Variants in MRGPRX3 observed in about 807,000 individuals in gnomAD.
MRGPRX3 encodes mas-related G protein-coupled receptor member X3.
Under a neutral mutation model 16.5 loss-of-function variants are expected in MRGPRX3, and 14 were observed. The ratio of observed to expected loss-of-function variants is 0.85; its 90% CI spans 0.56 to 1.33. The LOEUF (loss-of-function observed/expected upper bound fraction) is 1.33, where lower values mean the gene tolerates loss of function less well. MRGPRX3 is among the 40% of genes most tolerant of loss of function. The pLI, the probability that MRGPRX3 is intolerant of heterozygous loss-of-function variation, is 0.00. For synonymous variants in MRGPRX3, 199 were observed against 180.1 expected, an observed-to-expected ratio of 1.10 and a Z score of -0.84; for missense variants, 449 against 413.0, an observed-to-expected ratio of 1.09 and a Z score of -0.76.
chr11:18,123,478 G>A (rs1459862227), intron 1 of MRGPRX3, among the ~76,000 whole-genome samples: 2 of 152,174 alleles, frequency 1.3e-5, no homozygotes, highest in Non-Finnish European at 2.9e-5. Flanking sequence ...TGTCAGGTTT[G>A]TCAAATATCA....
At chr11:18,121,947 T>C (rs1252014086) in intron 1 of MRGPRX3, among the ~76,000 whole-genome samples, 1 of 149,528 alleles carries the variant, frequency 6.7e-6, no homozygotes, top group African/African-American at 2.5e-5. Context: ...ACTATTGTCC[T>C]ATGACCCTGC....
At chr11:18,135,783 A>G (rs1849003018) in intron 1 of MRGPRX3, among the ~76,000 whole-genome samples, 1 of 152,170 alleles carries the variant, frequency 6.6e-6, no homozygotes, top group South Asian at 2.1e-4. Context: ...TGCTGGGTCC[A>G]AAGGGCTGGT....
At chr11:18,125,252 G>T (rs1312261594) in intron 1 of MRGPRX3, among the ~76,000 whole-genome samples, 1 of 152,072 alleles carries the variant, frequency 6.6e-6, no homozygotes, top group Non-Finnish European at 1.5e-5. Context: ...GTTTGCTCTT[G>T]CTTCTCTAGT....
intron 1 of MRGPRX3, among the ~76,000 whole-genome samples, chr11:18,127,229 G>C (rs1049926715): frequency 4.6e-5 from 7 of 152,162 alleles, no homozygotes; most frequent in African/African-American, 1.2e-4. Flanking sequence ...CAACTTTGGT[G>C]AATCTGACAA....
chr11:18,137,738 T>C lies in MRGPRX3; in HGVS notation c.536T>C (p.Ile179Thr). Residue 179 changes from isoleucine (I) to threonine (T), a missense_variant, in exon 2 of 2, where the codon ATT (isoleucine) becomes ACT (threonine). Coordinates refer to ENST00000621697, the MANE Select transcript of MRGPRX3 (RefSeq NM_001370464.1). ...NSVWCETSDF[I>T]TIAWLVFLCV... is the part of the protein sequence containing the mutation. ...GTTTGGTGTGAAACGTCAGATTTCA[T>C]TACAATCGCGTGGCTGGTTTTTTTA... 3 of 1,614,108 alleles carry C rather than the reference T, an allele frequency of 1.9e-6. No homozygotes were observed. The highest frequency in any genetic ancestry group is 2.5e-6 in the Non-Finnish European group (3 of 1,180,028).
rs922553509 is a variant in MRGPRX3 at position 18,132,574 on chromosome 11, A to G, written c.-191A>G. 3 of 152,228 alleles carry G rather than the reference A, an allele frequency of 2.0e-5. No individual in the cohort carries two copies. Among genetic ancestry groups the G allele is most frequent in the Admixed American group, 1.3e-4 (2 of 15,282 alleles). 9.4% of individuals were successfully genotyped at this position (152,228 alleles called of 1,614,324 possible). ...ACAGGAAATAACAAGACTGTCCAGC[A>G]TCTTCGTAAGCCTGGATTGCTCACC... On this transcript the variant is annotated 5_prime_UTR_variant, in exon 1 of 2. Coordinates refer to ENST00000621697, the MANE Select transcript of MRGPRX3 (RefSeq NM_001370464.1).
chr11:18,138,025 G>A lies in MRGPRX3; in HGVS notation c.823G>A (p.Val275Met), dbSNP rs753365135. The A allele has an allele frequency of 1.2e-5, 19 of 1,613,920 alleles. No homozygotes were observed. Among genetic ancestry groups the A allele is most frequent in the Admixed American group, 6.7e-5 (4 of 59,992 alleles). The part of the protein sequence containing the change: ...SSANPIIYFF[V>M]GSFRQRQNRQ... ...TGCCAACCCCATCATTTACTTCTTC[G>A]TGGGCTCCTTTAGGCAGCGTCAAAA... Residue 275 changes from valine to methionine, a missense_variant, in exon 2 of 2, where the codon GTG (valine) becomes ATG (methionine). Coordinates refer to ENST00000621697, the MANE Select transcript of MRGPRX3 (RefSeq NM_001370464.1).
rs1849036202 is a variant in MRGPRX3, at chr11:18,138,474, T to G, written c.*303T>G. ...TTCATTGTAATAAAAGGAGTTGCTG[T>G]CCACAACCCTAAAACTCTTCTTTAT... On this transcript the variant is annotated 3_prime_UTR_variant, in exon 2 of 2. Transcript: ENST00000621697. 3.2e-6 allele frequency: 1 copy of G among 309,778 alleles called. No individual in the cohort carries two copies. The highest frequency in any genetic ancestry group is 6.2e-6 in the Non-Finnish European group (1 of 161,092). 19.2% of individuals were successfully genotyped at this position (309,778 alleles called of 1,614,324 possible). A position where few individuals can be genotyped will look rare whatever the true frequency, so the allele number is the denominator to read the frequency against.
intron 1 of MRGPRX3, among the ~76,000 whole-genome samples, chr11:18,126,844 G>T (rs1848902423): frequency 1.3e-5 from 2 of 152,132 alleles, no homozygotes; most frequent in South Asian, 4.1e-4. Flanking sequence ...TGGCTGCATA[G>T]TATTCCATGG....
intron 1 of MRGPRX3, among the ~76,000 whole-genome samples, chr11:18,125,740 C>A (rs1848888074): frequency 6.6e-6 from 1 of 152,088 alleles, no homozygotes; most frequent in Non-Finnish European, 1.5e-5. Flanking sequence ...TCTTGGATAT[C>A]CTTGTTAATT....
At chr11:18,130,516 T>A (rs1848950169), upstream of MRGPRX3, among the ~76,000 whole-genome samples, 1 of 152,002 alleles carries the variant, frequency 6.6e-6, no homozygotes, top group African/African-American at 2.4e-5. Flanking sequence ...GCTGACATCA[T>A]AGATGACACA....
Position 18,138,041 on chromosome 11 carries a change from A to G in MRGPRX3, c.839A>G (p.Gln280Arg). 6.2e-7 allele frequency: 1 copy of G among 1,614,114 alleles called. No homozygotes were observed. The highest frequency in any genetic ancestry group is 8.5e-7 in the Non-Finnish European group (1 of 1,180,024). The change falls in exon 2 of 2, where the codon CAG becomes CGG. Residue 280 changes from glutamine (Q) to arginine (R), a missense_variant. Coordinates refer to ENST00000621697, the MANE Select transcript of MRGPRX3 (RefSeq NM_001370464.1). ...IIYFFVGSFRQRQNRQNLKLV... is the reference protein window; with the variant it reads ...IIYFFVGSFRRRQNRQNLKLV... ...TACTTCTTCGTGGGCTCCTTTAGGC[A>G]GCGTCAAAATAGGCAGAACCTGAAG...
chr11:18,134,843 A>G (rs1258164239), intron 1 of MRGPRX3, among the ~76,000 whole-genome samples: 2 of 152,216 alleles, frequency 1.3e-5, no homozygotes, highest in African/African-American at 4.8e-5. Context: ...TCCACTTAAC[A>G]GCACCTGCTC....
intron 1 of MRGPRX3, among the ~76,000 whole-genome samples, chr11:18,122,143 C>CA (rs961719408): frequency 4.1e-5 from 6 of 147,256 alleles, no homozygotes; most frequent in African/African-American, 1.2e-4. Context: ...ATCTGCATTG[C>CA]AAAAAAACCT....
At chr11:18,135,743 C>A (rs1479537091) in intron 1 of MRGPRX3, among the ~76,000 whole-genome samples, 1 of 152,076 alleles carries the variant, frequency 6.6e-6, no homozygotes, top group Non-Finnish European at 1.5e-5. Context: ...ACTTTACCCC[C>A]CTCTAACATG....
At chr11:18,121,417 C>T (rs1848834473) in intron 1 of MRGPRX3, among the ~76,000 whole-genome samples, 1 of 152,072 alleles carries the variant, frequency 6.6e-6, no homozygotes, top group Non-Finnish European at 1.5e-5. Flanking sequence ...TGAGGAGCCC[C>T]TCTGCCAGGC....
At chr11:18,133,010 T>TA (rs1848976788) in intron 1 of MRGPRX3, among the ~76,000 whole-genome samples, 1 of 152,202 alleles carries the variant, frequency 6.6e-6, no homozygotes, top group Admixed American at 6.5e-5. Context: ...TGCTGCCTCT[T>TA]ACATTCATTT....
At position 18,138,394 on chromosome 11, in the gene MRGPRX3, A is replaced by G; in HGVS notation, c.*223A>G. The G allele has an allele frequency of 1.7e-6, 1 of 574,434 alleles. No homozygotes were observed. The highest frequency in any genetic ancestry group is 3.6e-5 in the Admixed American group (1 of 27,414). 35.6% of individuals were successfully genotyped at this position (574,434 alleles called of 1,614,324 possible). A position where few individuals can be genotyped will look rare whatever the true frequency, so the allele number is the denominator to read the frequency against. ...GGATTCTCCTTGATATTACCAATAC[A>G]TTTTCCCTGTTATCTTGCACTGAAT... On this transcript the variant is annotated 3_prime_UTR_variant, in exon 2 of 2. Transcript: ENST00000621697.
intron 1 of MRGPRX3, among the ~76,000 whole-genome samples, chr11:18,125,552 G>A (rs1848885641): frequency 6.6e-6 from 1 of 150,994 alleles, no homozygotes; most frequent in African/African-American, 2.5e-5. Flanking sequence ...TGGTCTAAGA[G>A]AGAGTTTGTC....
Sources: allele counts gnomAD v4.1 joint callset (sites outside exome capture counted in the v4.1 genomes callset), GRCh38; gene constraint gnomAD v4.1.1; transcripts MANE v1.5; gene names NCBI Gene and HGNC (gene_info 2026-07-23, HGNC 2026-07-21).